Variants in NEO1 observed in about 807,000 individuals in gnomAD.
NEO1 encodes neogenin 1.
NEO1 carries 63 observed loss-of-function variants against 159.7 expected under a neutral mutation model. The observed-to-expected ratio is 0.39, with a 90% CI of 0.32 to 0.49. NEO1 has a LOEUF of 0.49. NEO1 is among the 20% of genes least tolerant of loss of function. NEO1 has a pLI of 0.85. For synonymous variants in NEO1, 633 were observed against 662.0 expected, an observed-to-expected ratio of 0.96 and a Z score of 0.67; for missense variants, 1,615 against 1,831.0, an observed-to-expected ratio of 0.88 and a Z score of 2.15.
At position 73,273,819 on chromosome 15, in the gene NEO1, A is replaced by G. The variant is rs140996696; in HGVS notation, c.2974A>G (p.Ile992Val). The G allele has an allele frequency of 1.7e-5, 27 of 1,612,552 alleles. No individual in the cohort carries two copies. In the South Asian group the frequency reaches 2.5e-4, roughly 15 times the overall value. Residue 992 changes from isoleucine (I) to valine (V), a missense_variant, in exon 20 of 29, where the codon ATA becomes GTA. Physicochemically the swap from Ile to Val is conservative, Grantham distance 29 (BLOSUM62 3). Coordinates refer to ENST00000261908, the MANE Select transcript of NEO1 (RefSeq NM_002499.4). ...TTAATTCCTTTGGACAGGTTACATCATATATTACAGTACAGATGTGAATGC... is the reference window on the plus strand; with the variant it reads ...TTAATTCCTTTGGACAGGTTACATCGTATATTACAGTACAGATGTGAATGC... ...EANGKITGYI[I>V]YYSTDVNAEI... is the part of the protein sequence containing the mutation.
chr15:73,163,964 C>T (rs552367572), intron 5 of NEO1, among the ~76,000 whole-genome samples: 7 of 151,392 alleles, frequency 4.6e-5, no homozygotes, highest in Middle Eastern at 3.4e-3. Context: ...TGGTAGGGGC[C>T]GGTGGTGGAT....
At chr15:73,180,176 A>G (rs1353730384) in intron 7 of NEO1, among the ~76,000 whole-genome samples, 2 of 152,198 alleles carry the variant, frequency 1.3e-5, no homozygotes, top group Non-Finnish European at 2.9e-5. Context: ...ACAATCAGGT[A>G]TTGGTGTGCC....
chr15:73,264,421 C>T (rs865801150), intron 15 of NEO1, among the ~76,000 whole-genome samples: 15 of 152,156 alleles, frequency 9.9e-5, no homozygotes, highest in African/African-American at 2.9e-4. Flanking sequence ...AGGGAAGAAA[C>T]CCCTGAGCTT....
At chr15:73,301,169 T>A in intron 27 of NEO1, 152 bp from the exon 28 acceptor site, 1 of 949,852 alleles carries the variant, frequency 1.1e-6, no homozygotes, top group Non-Finnish European at 1.6e-6. Context: ...TCTCCCTCCT[T>A]CCCTCTTATT....
chr15:73,057,937 T>G (rs2067791387), intron 1 of NEO1, among the ~76,000 whole-genome samples: 1 of 152,142 alleles, frequency 6.6e-6, no homozygotes, highest in South Asian at 2.1e-4. Flanking sequence ...AATAAAAGAT[T>G]TTATCACTTC....
intron 5 of NEO1, chr15:73,161,939 T>A (rs2034212011): frequency 4.9e-6 from 1 of 202,872 alleles, no homozygotes. Context: ...AGAACTAGGT[T>A]CTCTTGGTGT....
chr15:73,105,659 G>A (rs538296311), intron 1 of NEO1, among the ~76,000 whole-genome samples: 6 of 152,142 alleles, frequency 3.9e-5, no homozygotes, highest in African/African-American at 9.6e-5. Flanking sequence ...TATTGCCTTT[G>A]TTTTTTATGA....
chr15:73,248,758 G>A (rs1410792708), intron 9 of NEO1, among the ~76,000 whole-genome samples: 2 of 152,164 alleles, frequency 1.3e-5, no homozygotes, highest in African/African-American at 4.8e-5. Context: ...CTACCACAAT[G>A]CCCGGCAAAA....
chr15:73,130,583 C>G (rs901323495), intron 4 of NEO1, among the ~76,000 whole-genome samples: 1 of 152,218 alleles, frequency 6.6e-6, no homozygotes, highest in Non-Finnish European at 1.5e-5. Context: ...TGCCAGGAGC[C>G]TAGACTTCCA....
chr15:73,302,783 A>T lies in NEO1; in HGVS notation c.*87A>T, dbSNP rs895124754. On this transcript the variant is annotated 3_prime_UTR_variant, in exon 29 of 29. Transcript: ENST00000261908. Reference sequence around the variant, plus strand: ...AACAAGGAATTGTACAGAGTACGAGAGGACAGCACTTGAGAACACAGAATG... The same window carrying T: ...AACAAGGAATTGTACAGAGTACGAGTGGACAGCACTTGAGAACACAGAATG... 2.0e-5 allele frequency: 25 copies of T among 1,242,948 alleles called. 1 individual carries two copies. The African/African-American group carries it at 3.4e-4, about 17-fold the overall frequency. The allele number at this position is 1,242,948 out of a possible 1,614,324, so 77.0% of individuals were successfully genotyped here. A position where few individuals can be genotyped will look rare whatever the true frequency, so the allele number is the denominator to read the frequency against.
chr15:73,301,478 G>C, intron 28 of NEO1, 21 bp downstream of exon 28: 2 of 1,614,052 alleles, frequency 1.2e-6, no homozygotes, highest in Admixed American at 1.7e-5. Context: ...GGGGCCATCA[G>C]TCCAGCCAGA....
Position 73,092,748 on chromosome 15 carries a change from T to A in NEO1, c.131-23792T>A, listed in dbSNP as rs149972086. 2.9e-3 allele frequency among the ~76,000 whole-genome samples: 447 copies of A among 152,310 alleles called. 2 individuals carry two copies. Among genetic ancestry groups the A allele is most frequent in the African/African-American group, 0.01 (423 of 41,582 alleles). On this transcript the variant is annotated intron_variant, in intron 1 of 28. Coordinates refer to ENST00000261908, the MANE Select transcript of NEO1 (RefSeq NM_002499.4). ...TTTTTAATAAGCTTTATTTTTTAGA[T>A]CAGTTTTAGATTTACAGAAAATTAC...
chr15:73,116,838 A>C lies in NEO1; in HGVS notation c.429A>C (p.Thr143=). Residue 143 remains threonine, a synonymous_variant, in exon 2 of 29, where the codon ACA becomes ACC. Coordinates refer to ENST00000261908, the MANE Select transcript of NEO1 (RefSeq NM_002499.4). ...GTCTTGGAACTATTATCAGTAGAAC[A>C]GCGAAGCTCATAGTAGCAGGTAAGT... ...VESLGTIISR[T]AKLIVAGLPR... The C allele has an allele frequency of 1.3e-6, 2 of 1,559,286 alleles. No individual in the cohort carries two copies. Among genetic ancestry groups the C allele is most frequent in the Non-Finnish European group, 1.7e-6 (2 of 1,157,100 alleles).
chr15:73,171,934 C>G (rs191103235), intron 5 of NEO1, among the ~76,000 whole-genome samples: 233 of 152,174 alleles, frequency 1.5e-3, no homozygotes, highest in African/African-American at 5.3e-3. Flanking sequence ...AGCCACCATG[C>G]CCGGCCAATA....
chr15:73,221,286 A>C (rs1183914284), intron 7 of NEO1, among the ~76,000 whole-genome samples: 4 of 152,252 alleles, frequency 2.6e-5, no homozygotes, highest in South Asian at 2.1e-4. Context: ...TTCCTCTGGA[A>C]GTTTTGTCTC....
At chr15:73,260,772 A>G (rs1438584788) in intron 15 of NEO1, among the ~76,000 whole-genome samples, 4 of 152,202 alleles carry the variant, frequency 2.6e-5, no homozygotes, top group African/African-American at 2.4e-5. Flanking sequence ...ATTACAGCCT[A>G]TATTGATAAT....
At chr15:73,254,151 C>T (rs558499189) in intron 12 of NEO1, among the ~76,000 whole-genome samples, 1 of 151,966 alleles carries the variant, frequency 6.6e-6, no homozygotes, top group Non-Finnish European at 1.5e-5. Context: ...GATTATGCTA[C>T]TACACTATAG....
intron 7 of NEO1, among the ~76,000 whole-genome samples, chr15:73,190,895 T>A (rs530961199): frequency 5.3e-5 from 8 of 152,156 alleles, no homozygotes; most frequent in African/African-American, 1.4e-4. Context: ...ATATTGTAAT[T>A]CTGTGATTTT....
chr15:73,301,874 G>T (rs2042630682), intron 28 of NEO1, among the ~76,000 whole-genome samples: 1 of 152,218 alleles, frequency 6.6e-6, no homozygotes, highest in Non-Finnish European at 1.5e-5. Flanking sequence ...TCACTATGTT[G>T]GCCAGGCTGG....
Sources: allele counts gnomAD v4.1 joint callset (sites outside exome capture counted in the v4.1 genomes callset), GRCh38; gene constraint gnomAD v4.1.1; transcripts MANE v1.5; gene names NCBI Gene and HGNC (gene_info 2026-07-23, HGNC 2026-07-21).